HYDIN: variants seen among roughly 807,000 people sequenced by gnomAD.
HYDIN encodes the protein HYDIN axonemal central pair apparatus protein.
Under a neutral mutation model 403.9 loss-of-function variants are expected in HYDIN, and 132 were observed. The observed-to-expected ratio is 0.33, with a 90% CI of 0.28 to 0.38. HYDIN has a LOEUF of 0.38. Among genes scored for constraint, HYDIN ranks in the 10% least tolerant of loss-of-function variants. The pLI, the probability that HYDIN is intolerant of heterozygous loss-of-function variation, is 1.00. For synonymous variants in HYDIN, 1,202 were observed against 1,891.7 expected (o/e 0.64, Z 9.46); for missense variants, 2,827 against 5,009.5 (o/e 0.56, Z 13.15).
chr16:71,126,268 T>C (rs1001591343), intron 9 of HYDIN, among the ~76,000 whole-genome samples: 2 of 152,126 alleles, frequency 1.3e-5, no homozygotes, highest in Non-Finnish European at 2.9e-5. Flanking sequence ...TTCTCCAACA[T>C]TGCTTGAAGT....
At chr16:71,195,401 C>T (rs112746274) in intron 1 of HYDIN, among the ~76,000 whole-genome samples, 1 of 152,150 alleles carries the variant, frequency 6.6e-6, no homozygotes, top group African/African-American at 2.4e-5. Context: ...GGCTACTATA[C>T]TCTGGAATGT....
intron 62 of HYDIN, among the ~76,000 whole-genome samples, chr16:70,877,766 G>C (rs1231484376): frequency 6.6e-6 from 1 of 152,050 alleles, no homozygotes; most frequent in South Asian, 2.1e-4. Flanking sequence ...TGTGGCCTGG[G>C]GGTTGGGGAC....
chr16:71,226,120 AG>A (rs1466911112), intron 1 of HYDIN, among the ~76,000 whole-genome samples: 1 of 152,270 alleles, frequency 6.6e-6, no homozygotes, highest in Non-Finnish European at 1.5e-5. Flanking sequence ...TTGAAAAATA[AG>A]AACAAAGTAG....
At position 70,857,890 on chromosome 16, in the gene HYDIN, C is replaced by G. The variant is rs936752437; in HGVS notation, c.12130-20G>C. 6.2e-7 allele frequency: 1 copy of G among 1,611,126 alleles called. No homozygotes were observed. Among genetic ancestry groups the G allele is most frequent in the Admixed American group, 1.7e-5 (1 of 59,738 alleles). On this transcript the variant is annotated intron_variant, in intron 71 of 85. Transcript: ENST00000393567. Reference sequence around the variant, plus strand: ...CACGATCTAACAAGACAATTTGGAACAGAGTGGTAAAAGACACTTCTGTAT... The same window carrying G: ...CACGATCTAACAAGACAATTTGGAAGAGAGTGGTAAAAGACACTTCTGTAT...
intron 83 of HYDIN, among the ~76,000 whole-genome samples, chr16:70,820,014 G>C (rs937302154): frequency 7.0e-6 from 1 of 143,442 alleles, no homozygotes; most frequent in African/African-American, 2.6e-5. Context: ...TAGAGACGGG[G>C]TTTCACCGTG....
intron 65 of HYDIN, among the ~76,000 whole-genome samples, chr16:70,870,984 T>C (rs1455570583): frequency 6.6e-6 from 1 of 152,156 alleles, no homozygotes; most frequent in Non-Finnish European, 1.5e-5. Flanking sequence ...TGAGCCAAGA[T>C]TGTAACACTG....
rs1216104313 is a variant in HYDIN, at chr16:70,802,689, T to G, written c.*4891A>C. On this transcript the variant is annotated 3_prime_UTR_variant, in exon 86 of 86. Coordinates refer to ENST00000393567, the MANE Select transcript of HYDIN (RefSeq NM_001270974.2). ...TGGAAACTGTGAGATAATAAATTTGTGTTGTTTTGCTCTCCTAGTTTTGTG... is the reference window on the plus strand; with the variant it reads ...TGGAAACTGTGAGATAATAAATTTGGGTTGTTTTGCTCTCCTAGTTTTGTG... 6.6e-6 allele frequency: 1 copy of G among 152,176 alleles called. No homozygotes were observed. Among genetic ancestry groups the G allele is most frequent in the African/African-American group, 2.4e-5 (1 of 41,428 alleles). The allele number at this position is 152,176 out of a possible 1,614,324, so 9.4% of individuals were successfully genotyped here.
intron 57 of HYDIN, among the ~76,000 whole-genome samples, chr16:70,891,133 G>T (rs1349860918): frequency 1.3e-5 from 2 of 151,886 alleles, no homozygotes; most frequent in East Asian, 3.9e-4. Context: ...CAGAAGATGT[G>T]GGCTCACACC....
intron 18 of HYDIN, among the ~76,000 whole-genome samples, chr16:71,053,899 C>T (rs1271136471): frequency 6.6e-6 from 1 of 152,284 alleles, no homozygotes; most frequent in Non-Finnish European, 1.5e-5. Context: ...GTTTCATATA[C>T]ATAGTGTCTG....
intron 20 of HYDIN, among the ~76,000 whole-genome samples, chr16:71,026,407 T>C (rs1419161404): frequency 2.0e-5 from 3 of 152,214 alleles, no homozygotes; most frequent in African/African-American, 4.8e-5. Context: ...TAGAAGAACA[T>C]TCGGGGATGC....
At chr16:70,812,581 A>T (rs2035577895) in intron 84 of HYDIN, among the ~76,000 whole-genome samples, 1 of 152,240 alleles carries the variant, frequency 6.6e-6, no homozygotes, top group South Asian at 2.1e-4. Flanking sequence ...TCTTACAACA[A>T]ATAATGAAAT....
intron 43 of HYDIN, 152 bp from the exon 44 acceptor site, chr16:70,938,907 T>C (rs2077582692): frequency 6.6e-6 from 4 of 606,626 alleles, no homozygotes; most frequent in African/African-American, 5.4e-5. Flanking sequence ...GGTCCCTTCA[T>C]CCATGCACTT....
chr16:71,085,998 A>G (rs1193112455), intron 12 of HYDIN, among the ~76,000 whole-genome samples: 1 of 152,124 alleles, frequency 6.6e-6, no homozygotes, highest in Non-Finnish European at 1.5e-5. Flanking sequence ...TAATACATTG[A>G]CATTTAATGT....
At chr16:71,112,403 TAAG>T (rs2083868648) in intron 10 of HYDIN, among the ~76,000 whole-genome samples, 1 of 144,178 alleles carries the variant, frequency 6.9e-6, no homozygotes, top group African/African-American at 2.6e-5. Flanking sequence ...TGAATTAAAA[TAAG>T]AAGCTGATAG....
intron 12 of HYDIN, among the ~76,000 whole-genome samples, chr16:71,083,822 C>T (rs934972044): frequency 3.5e-5 from 5 of 142,990 alleles, no homozygotes; most frequent in Admixed American, 2.1e-4. Context: ...GCATATGCTA[C>T]CCGCTCTTTA....
At chr16:70,930,652 C>T (rs970598966) in intron 45 of HYDIN, among the ~76,000 whole-genome samples, 1 of 152,136 alleles carries the variant, frequency 6.6e-6, no homozygotes, top group African/African-American at 2.4e-5. Context: ...CTCTGGCTGG[C>T]TGACTCTTGA....
chr16:71,110,439 AAAT>A (rs973313041), intron 10 of HYDIN, among the ~76,000 whole-genome samples: 3 of 141,944 alleles, frequency 2.1e-5, no homozygotes, highest in Admixed American at 7.2e-5. Context: ...ATAAATATAT[AAAT>A]AATATAATAT....
At chr16:71,087,422 C>A (rs1271177820) in intron 12 of HYDIN, among the ~76,000 whole-genome samples, 1 of 143,468 alleles carries the variant, frequency 7.0e-6, no homozygotes, top group African/African-American at 2.6e-5. Context: ...ATAAGGACAC[C>A]AATCATATTG....
intron 6 of HYDIN, among the ~76,000 whole-genome samples, chr16:71,154,952 G>A (rs1567383757): frequency 2.8e-5 from 4 of 145,324 alleles, no homozygotes; most frequent in Non-Finnish European, 1.5e-5. Flanking sequence ...AATAATGCCT[G>A]GCACAAAGGA....
Sources: allele counts gnomAD v4.1 joint callset (sites outside exome capture counted in the v4.1 genomes callset), GRCh38; gene constraint gnomAD v4.1.1; transcripts MANE v1.5; gene names NCBI Gene and HGNC (gene_info 2026-07-23, HGNC 2026-07-21).